Variants in ZNF75D observed in about 807,000 individuals in gnomAD.
The protein encoded by ZNF75D is zinc finger protein 75.
A neutral mutation model predicts 33.3 loss-of-function variants in ZNF75D; 33 were observed. The ratio of observed to expected loss-of-function variants is 0.99; its 90% CI spans 0.75 to 1.32. The LOEUF (loss-of-function observed/expected upper bound fraction) is 1.32. Ranked by LOEUF, ZNF75D falls within the 40% of genes most tolerant of loss-of-function variation. The probability of loss-of-function intolerance (pLI) is 0.00; values close to 1 mark genes in which losing one functional copy is unlikely to be tolerated. For synonymous variants in ZNF75D, 113 were observed against 130.6 expected (o/e 0.87, Z 0.92); for missense variants, 338 against 367.5 (o/e 0.92, Z 0.66).
chrX:135,305,164 A>G (rs1350238397), intron 1 of ZNF75D, among the ~76,000 whole-genome samples: 1 of 111,618 alleles, frequency 9.0e-6, no homozygotes, highest in Non-Finnish European at 1.9e-5. Context: ...TGCCCGACAC[A>G]GTCTCCCATA....
rs1016891136 is a variant in ZNF75D at position 135,256,951 on chromosome X, C to G, written n.828-1174G>C. Among the ~76,000 whole-genome samples, 3 of 111,433 alleles carry G rather than the reference C, an allele frequency of 2.7e-5. No homozygotes were observed. The South Asian group carries it at 1.1e-3, about 42-fold the overall frequency. On this transcript the variant is annotated intron_variant and non_coding_transcript_variant, in intron 1 of 3. Transcript: ENST00000494295. ...ACTAGGCCAGAAGGGAGCCCATTGCCTTGAAGGAAAGGACCCAGTCCTGGC... is the reference window on the plus strand; with the variant it reads ...ACTAGGCCAGAAGGGAGCCCATTGCGTTGAAGGAAAGGACCCAGTCCTGGC...
rs1236907854 is a variant in ZNF75D at position 135,342,975 on chromosome X, C to T, written c.-1598G>A. 1 of 111,507 alleles carries T rather than the reference C, an allele frequency of 9.0e-6. No homozygotes were observed. The highest frequency in any genetic ancestry group is 3.3e-5 in the African/African-American group (1 of 30,504). The allele number at this position is 111,507 out of a possible 1,213,427, so 9.2% of individuals were successfully genotyped here. On this transcript the variant is annotated 5_prime_UTR_variant, in exon 1 of 7. Transcript: ENST00000370766. ...TCTACCTCCAGAGCGGACACTATGA[C>T]AGCGACACTGCCTCCCCGTGGAAAC... is the stretch of plus-strand genomic sequence containing the variant.
chrX:135,292,566 G>A, intron 3 of ZNF75D, 93 bp from the exon 4 acceptor site: 1 of 741,966 alleles, frequency 1.3e-6, no homozygotes, highest in Non-Finnish European at 2.0e-6. Context: ...CCAGATTTGG[G>A]GAATGCATGA....
intron 1 of ZNF75D, among the ~76,000 whole-genome samples, chrX:135,333,100 G>C (rs2084669978): frequency 9.0e-6 from 1 of 111,699 alleles, no homozygotes; most frequent in African/African-American, 3.3e-5. Context: ...GAGAGAGAGA[G>C]AGAGGCAGAG....
chrX:135,282,208 G>C (rs188533712), downstream of ZNF75D, among the ~76,000 whole-genome samples: 1 of 112,115 alleles, frequency 8.9e-6, no homozygotes, highest in African/African-American at 3.2e-5. Context: ...GGAATCTAGA[G>C]AGGCAGTTTG....
chrX:135,294,978 G>A (rs2084103751), intron 2 of ZNF75D, among the ~76,000 whole-genome samples: 1 of 112,039 alleles, frequency 8.9e-6, no homozygotes, highest in Non-Finnish European at 1.9e-5. Flanking sequence ...ACTTTAACTG[G>A]AAAAATTTAC....
chrX:135,278,501 G>C (rs192686154), intron 1 of ZNF75D, among the ~76,000 whole-genome samples: 4 of 110,416 alleles, frequency 3.6e-5, no homozygotes, highest in Non-Finnish European at 7.6e-5. Flanking sequence ...CATGATTGCC[G>C]TGGCCAGAAC....
intron 1 of ZNF75D, among the ~76,000 whole-genome samples, chrX:135,257,416 G>C (rs983544255): frequency 2.7e-5 from 3 of 113,142 alleles, no homozygotes; most frequent in African/African-American, 9.6e-5. Flanking sequence ...GGTGGCCACA[G>C]GGAGAGACTC....
chrX:135,272,427 T>G (rs1266066009), intron 1 of ZNF75D, among the ~76,000 whole-genome samples: 1 of 108,724 alleles, frequency 9.2e-6, no homozygotes, highest in Non-Finnish European at 1.9e-5. Context: ...TTCAACTGTA[T>G]GCAACCATGT....
intron 1 of ZNF75D, among the ~76,000 whole-genome samples, chrX:135,326,266 T>G (rs961826265): frequency 1.9e-4 from 20 of 107,791 alleles, no homozygotes; most frequent in African/African-American, 6.8e-4. Flanking sequence ...ATGGGTACTC[T>G]GTATCTAGCT....
At position 135,343,453 on chromosome X, in the gene ZNF75D, TCACCCATGGCGAAACTCCCATGGCGAAA is replaced by T. The variant is rs1385523345; in HGVS notation, c.-2104_-2077del. ...CCATGGAGCGCATCTCAGGCCAAAG[TCACCCATGGCGAAACTCCCATGGCGAAA>T]CACCCATGGCGAAACTGCTGGTGTC... On this transcript the variant is annotated 5_prime_UTR_variant, in exon 1 of 7. An upstream start codon of the reference 5' UTR is lost. Transcript: ENST00000370766. The T allele has an allele frequency of 2.3e-5, 3 of 133,251 alleles. No homozygotes were observed. Among genetic ancestry groups the T allele is most frequent in the Admixed American group, 2.0e-4 (3 of 14,638 alleles). 11.0% of individuals were successfully genotyped at this position (133,251 alleles called of 1,213,427 possible). A position where few individuals can be genotyped will look rare whatever the true frequency, so the allele number is the denominator to read the frequency against.
rs781966826 is a variant in ZNF75D, at chrX:135,259,901, G to A, written n.828-4124C>T. ...TTCAAAGGGAATGCTTCCAGTTTTT[G>A]TCCATTCAGTATGATATTGGCTGTG... On this transcript the variant is annotated intron_variant and non_coding_transcript_variant, in intron 1 of 3. Transcript: ENST00000494295. 9.7e-4 allele frequency among the ~76,000 whole-genome samples: 108 copies of A among 111,833 alleles called. 1 individual carries two copies. Among genetic ancestry groups the A allele is most frequent in the Middle Eastern group, 9.1e-3 (2 of 219 alleles).
intron 1 of ZNF75D, among the ~76,000 whole-genome samples, chrX:135,327,359 TAAG>T (rs1556438435): frequency 8.9e-6 from 1 of 112,494 alleles, no homozygotes; most frequent in Admixed American, 9.3e-5. Flanking sequence ...GAGAGAGGGT[TAAG>T]AAGAGAGAGG....
intron 2 of ZNF75D, among the ~76,000 whole-genome samples, chrX:135,295,151 C>G (rs2084107003): frequency 9.0e-6 from 1 of 111,589 alleles, no homozygotes; most frequent in African/African-American, 3.3e-5. Context: ...CTGAGGTGAT[C>G]CAGCAGAAAC....
At chrX:135,292,096 G>A (rs2084050274) in intron 4 of ZNF75D, among the ~76,000 whole-genome samples, 185 bp downstream of exon 4, 1 of 111,498 alleles carries the variant, frequency 9.0e-6, no homozygotes, top group Non-Finnish European at 1.9e-5. Flanking sequence ...GGGTTCTGTG[G>A]TTTGGATATT....
downstream of ZNF75D, among the ~76,000 whole-genome samples, chrX:135,282,229 C>A (rs1171398511): frequency 8.9e-6 from 1 of 111,890 alleles, no homozygotes; most frequent in Non-Finnish European, 1.9e-5. Context: ...GCTAGCGTAG[C>A]TTTGTTGAGC....
At chrX:135,316,157 T>G (rs781873211) in intron 1 of ZNF75D, among the ~76,000 whole-genome samples, 2 of 112,179 alleles carry the variant, frequency 1.8e-5, no homozygotes, top group Non-Finnish European at 3.8e-5. Flanking sequence ...TCCTTTTGCT[T>G]CTAGGTTTAT....
intron 1 of ZNF75D, among the ~76,000 whole-genome samples, chrX:135,257,668 G>T (rs1319849041): frequency 8.9e-6 from 1 of 112,354 alleles, no homozygotes; most frequent in African/African-American, 3.2e-5. Flanking sequence ...CAGTCCCAGT[G>T]GTGGTAGCCA....
intron 1 of ZNF75D, among the ~76,000 whole-genome samples, chrX:135,322,918 T>A (rs1556435408): frequency 8.9e-6 from 1 of 112,240 alleles, no homozygotes; most frequent in Non-Finnish European, 1.9e-5. Flanking sequence ...TGTTTAAATG[T>A]AGTGGGATCC....
Sources: gnomAD v4.1 joint callset for allele counts (sites outside exome capture counted in the v4.1 genomes callset) on GRCh38, gnomAD v4.1.1 for gene constraint, MANE v1.5 for transcripts, NCBI Gene and HGNC (gene_info 2026-07-23, HGNC 2026-07-21) for gene names.